MEGF10: variants seen among roughly 807,000 people sequenced by gnomAD.
MEGF10 encodes the protein multiple epidermal growth factor-like domains protein 10.
Under a neutral mutation model 147.5 loss-of-function variants are expected in MEGF10, and 86 were observed. That is an observed-to-expected ratio of 0.58 (90% CI 0.49 to 0.70). MEGF10 has a LOEUF of 0.70. MEGF10 is among the 30% of genes least tolerant of loss of function. The pLI is 0.00. For synonymous variants in MEGF10, 478 were observed against 525.5 expected (o/e 0.91, Z 1.24); for missense variants, 1,329 against 1,487.3 (o/e 0.89, Z 1.75).
intron 13 of MEGF10, among the ~76,000 whole-genome samples, chr5:127,425,735 C>A (rs1416185132): frequency 6.6e-6 from 1 of 151,972 alleles, no homozygotes; most frequent in Non-Finnish European, 1.5e-5. Context: ...AGGGTTAGTA[C>A]CCTGTTAGGA....
chr5:127,400,773 C>A (rs973353207), intron 7 of MEGF10, among the ~76,000 whole-genome samples: 1 of 152,136 alleles, frequency 6.6e-6, no homozygotes, highest in East Asian at 1.9e-4. Context: ...ACAGATGGAC[C>A]CCTCCCTAGC....
chr5:127,294,446 G>C (rs1255562674), intron 1 of MEGF10, among the ~76,000 whole-genome samples: 1 of 152,096 alleles, frequency 6.6e-6, no homozygotes, highest in Admixed American at 6.5e-5. Flanking sequence ...ACATATGGAG[G>C]GTGTGGAAAA....
chr5:127,440,365 C>T (rs969366045), intron 17 of MEGF10, among the ~76,000 whole-genome samples: 3 of 152,174 alleles, frequency 2.0e-5, no homozygotes, highest in African/African-American at 7.2e-5. Flanking sequence ...AAGTACCCGT[C>T]TCAGTCCATT....
intron 9 of MEGF10, among the ~76,000 whole-genome samples, chr5:127,416,030 T>G (rs188347254): frequency 7.5e-4 from 114 of 151,430 alleles, no homozygotes; most frequent in Admixed American, 9.8e-4. Flanking sequence ...TTTGTTTTTG[T>G]TTTTGGTTTT....
the MEGF10 span, among the ~76,000 whole-genome samples, chr5:127,270,275 G>C: frequency 6.6e-6 from 1 of 152,118 alleles, no homozygotes; most frequent in Non-Finnish European, 1.5e-5. Context: ...CCAATTAAAA[G>C]ACCCAGACTG....
intron 7 of MEGF10, among the ~76,000 whole-genome samples, chr5:127,402,319 T>C (rs957897902): frequency 1.3e-5 from 2 of 152,242 alleles, no homozygotes; most frequent in Non-Finnish European, 2.9e-5. Flanking sequence ...TCAGCCGTCT[T>C]TGAATGTATC....
chr5:127,288,447 G>C (rs1759099208), upstream of MEGF10, among the ~76,000 whole-genome samples: 1 of 152,072 alleles, frequency 6.6e-6, no homozygotes, highest in African/African-American at 2.4e-5. Context: ...CTTTATCAAA[G>C]AACAGGTGGC....
At chr5:127,399,930 T>G (rs374033251) in intron 7 of MEGF10, among the ~76,000 whole-genome samples, 63 of 152,178 alleles carry the variant, frequency 4.1e-4, no homozygotes, top group African/African-American at 1.5e-3. Flanking sequence ...TTACCTGCCT[T>G]GAGCTTAGAT....
the MEGF10 span, among the ~76,000 whole-genome samples, chr5:127,252,822 C>T: frequency 6.6e-6 from 1 of 151,716 alleles, no homozygotes; most frequent in Admixed American, 6.6e-5. Flanking sequence ...AAAGAAAGAC[C>T]AGGAGGCAGG....
intron 7 of MEGF10, among the ~76,000 whole-genome samples, chr5:127,400,998 G>T (rs536911009): frequency 1.3e-5 from 2 of 152,108 alleles, no homozygotes; most frequent in Non-Finnish European, 1.5e-5. Context: ...ATATTGAAAC[G>T]AAGAGAAATC....
At chr5:127,285,512 T>G in the MEGF10 span, among the ~76,000 whole-genome samples, 8 of 152,138 alleles carry the variant, frequency 5.3e-5, no homozygotes, top group Non-Finnish European at 8.8e-5. Context: ...TAAGATTGCA[T>G]TAGTTATGTT....
At chr5:127,409,786 C>T (rs17604889) in intron 8 of MEGF10, 15,851 of 153,538 alleles carry the variant, frequency 0.1, 938 homozygotes, top group Non-Finnish European at 0.13. Flanking sequence ...GAATCGAGGA[C>T]GTCTGATTTT....
At chr5:127,454,738 C>G (rs1766293770) in intron 23 of MEGF10, 128 bp downstream of exon 23, 2 of 742,406 alleles carry the variant, frequency 2.7e-6, no homozygotes, top group Middle Eastern at 3.9e-4. Context: ...TGGTCAGTTA[C>G]TACAGCAAAC....
At position 127,340,579 on chromosome 5, in the gene MEGF10, C is replaced by T. The variant is rs1173217783; in HGVS notation, c.268C>T (p.Arg90Cys). 1.2e-6 allele frequency: 2 copies of T among 1,612,894 alleles called. No individual in the cohort carries two copies. Among genetic ancestry groups the T allele is most frequent in the South Asian group, 1.1e-5 (1 of 91,028 alleles). ...YRHGEKTMYR[R>C]KSQCCPGFYE... Reference sequence around the variant, plus strand: ...ACATGGGGAGAAGACTATGTATAGGCGCAAGTCTCAGTGTTGTCCTGGATT... The same window carrying T: ...ACATGGGGAGAAGACTATGTATAGGTGCAAGTCTCAGTGTTGTCCTGGATT... Residue 90 changes from arginine to cysteine, a missense_variant, in exon 4 of 25, where the codon CGC (arginine) becomes TGC (cysteine). Transcript: ENST00000503335.
the MEGF10 span, among the ~76,000 whole-genome samples, chr5:127,272,568 T>C: frequency 5.9e-5 from 9 of 152,344 alleles, no homozygotes; most frequent in Admixed American, 3.9e-4. Context: ...GAGCATGGGA[T>C]GTTTTTCCAT....
At chr5:127,380,426 C>A (rs1449553178) in intron 5 of MEGF10, among the ~76,000 whole-genome samples, 1 of 152,178 alleles carries the variant, frequency 6.6e-6, no homozygotes, top group East Asian at 1.9e-4. Flanking sequence ...ATGCGAAGTC[C>A]TTCCTTCAGT....
Position 127,435,416 on chromosome 5 carries a change from C to A in MEGF10, c.2031C>A (p.Asn677Lys). Residue 677 changes from asparagine (N) to lysine (K), a missense_variant, in exon 16 of 25, where the codon AAC becomes AAA. Physicochemically the swap from Asn to Lys is moderately conservative, Grantham distance 94 (BLOSUM62 0). This residue lies in a region of MEGF10 where 980 missense variants were observed against 1,085.9 expected (regional missense o/e 0.90). Transcript: ENST00000503335. The part of the protein sequence containing the change: ...KNCAGICTCT[N>K]NGTCNPIDRS... ...GTGCAGGAATTTGTACCTGCACCAA[C>A]AACGGAACCTGTAACCCCATTGACA... The A allele has an allele frequency of 6.2e-7, 1 of 1,614,152 alleles. No individual in the cohort carries two copies. Among genetic ancestry groups the A allele is most frequent in the South Asian group, 1.1e-5 (1 of 91,070 alleles).
rs566109725 is a variant in MEGF10, at chr5:127,459,939, A to G, written c.*2621A>G. The G allele has an allele frequency of 4.6e-5, 7 of 152,346 alleles. No individual in the cohort carries two copies. The South Asian group carries it at 1.5e-3, about 32-fold the overall frequency. 9.4% of individuals were successfully genotyped at this position (152,346 alleles called of 1,614,324 possible). Reference sequence around the variant, plus strand: ...ATACTTTTGTTAGAATGAGAATTAAAGAGAAAACAAAAGAATCTTGGCAAA... The same window carrying G: ...ATACTTTTGTTAGAATGAGAATTAAGGAGAAAACAAAAGAATCTTGGCAAA... On this transcript the variant is annotated 3_prime_UTR_variant, in exon 25 of 25. Transcript: ENST00000503335.
At chr5:127,269,438 A>G in the MEGF10 span, among the ~76,000 whole-genome samples, 1 of 152,234 alleles carries the variant, frequency 6.6e-6, no homozygotes, top group Non-Finnish European at 1.5e-5. Context: ...ACTACGTGAC[A>G]AATGCACAAG....
Sources: allele counts gnomAD v4.1 joint callset (sites outside exome capture counted in the v4.1 genomes callset), GRCh38; gene constraint gnomAD v4.1.1; regional missense constraint gnomAD v4.1.1; transcripts MANE v1.5; gene names NCBI Gene and HGNC (gene_info 2026-07-23, HGNC 2026-07-21).